PRKN: variants seen among roughly 807,000 people sequenced by gnomAD.
PRKN encodes the protein parkin RBR E3 ubiquitin protein ligase, also known as E3 ubiquitin-protein ligase parkin.
A neutral mutation model predicts 59.5 loss-of-function variants in PRKN; 56 were observed. That is an observed-to-expected ratio of 0.94 (90% CI 0.76 to 1.18). The LOEUF (loss-of-function observed/expected upper bound fraction) is 1.18, where lower values mean the gene tolerates loss of function less well. Ranked by LOEUF, PRKN falls within the 50% of genes most tolerant of loss-of-function variation. The pLI is 0.00. For missense variants in PRKN, 657 were observed against 596.4 expected, an observed-to-expected ratio of 1.10 and a Z score of -1.06; for synonymous variants, 250 against 222.1, an observed-to-expected ratio of 1.13 and a Z score of -1.12.
At chr6:162,354,304 T>A (rs1473397625) in intron 2 of PRKN, among the ~76,000 whole-genome samples, 1 of 152,074 alleles carries the variant, frequency 6.6e-6, no homozygotes, top group Non-Finnish European at 1.5e-5. Context: ...TACTCACAAT[T>A]GCTCATGAGG....
At chr6:162,172,394 G>A (rs1330421946) in intron 4 of PRKN, among the ~76,000 whole-genome samples, 4 of 152,124 alleles carry the variant, frequency 2.6e-5, no homozygotes, top group East Asian at 1.9e-4. Flanking sequence ...CCATTGTTTC[G>A]CATGCACTCT....
rs537116320 is a variant in PRKN at position 161,442,458 on chromosome 6, T to C, written c.1084-55581A>G. ...AATGGCTTTTATTCAGAACCATTAC[T>C]CAGTATGATTTTAAAATCTCGGGCT... On this transcript the variant is annotated intron_variant, in intron 9 of 11. Transcript: ENST00000366898. The surrounding 1 kb of genome is among the most constrained non-coding windows in gnomAD (Gnocchi z 4.6). Among the ~76,000 whole-genome samples, 22 of 152,358 alleles carry C rather than the reference T, an allele frequency of 1.4e-4. No individual in the cohort carries two copies. The highest frequency in any genetic ancestry group is 4.8e-4 in the African/African-American group (20 of 41,592).
chr6:161,691,626 C>A (rs934248826), intron 7 of PRKN, among the ~76,000 whole-genome samples: 1 of 152,138 alleles, frequency 6.6e-6, no homozygotes, highest in African/African-American at 2.4e-5. Flanking sequence ...AGCCTTCTTG[C>A]ACTTAGGAAT....
intron 1 of PRKN, among the ~76,000 whole-genome samples, chr6:162,641,525 C>T (rs551592280): frequency 2.0e-5 from 3 of 152,152 alleles, no homozygotes; most frequent in Admixed American, 2.0e-4. Context: ...CAGGAAACTT[C>T]AGTTCTTTAC....
At chr6:161,420,194 T>C (rs771186247) in intron 9 of PRKN, among the ~76,000 whole-genome samples, 1 of 146,870 alleles carries the variant, frequency 6.8e-6, no homozygotes, top group Non-Finnish European at 1.5e-5. Context: ...GCCGAGATCA[T>C]GCGCCGCTGC....
Position 161,657,237 on chromosome 6 carries a change from G to A in PRKN, c.872-87821C>T, listed in dbSNP as rs1784381365. The stretch of plus-strand genomic sequence containing the variant: ...CCCCCACATCTCAGCTTGTCCCAGT[G>A]ACCTCACGGCTCTGGATCGCCCATG... On this transcript the variant is annotated intron_variant, in intron 7 of 11. Transcript: ENST00000366898. 2.6e-5 allele frequency among the ~76,000 whole-genome samples: 4 copies of A among 152,154 alleles called. No individual in the cohort carries two copies. The South Asian group carries it at 8.3e-4, about 32-fold the overall frequency.
chr6:162,290,023 T>A (rs1781356359), intron 2 of PRKN, among the ~76,000 whole-genome samples: 1 of 152,180 alleles, frequency 6.6e-6, no homozygotes, highest in African/African-American at 2.4e-5. Flanking sequence ...ATAGAGAAAG[T>A]TTCATTTCAG....
At chr6:162,018,604 A>T (rs1582902625) in intron 5 of PRKN, among the ~76,000 whole-genome samples, 1 of 152,306 alleles carries the variant, frequency 6.6e-6, no homozygotes, top group East Asian at 1.9e-4. Flanking sequence ...CAGCAACAGG[A>T]ATGATTTACA....
At chr6:162,323,592 A>T (rs1583379405) in intron 2 of PRKN, among the ~76,000 whole-genome samples, 1 of 152,138 alleles carries the variant, frequency 6.6e-6, no homozygotes, top group East Asian at 1.9e-4. Context: ...ACTAAGAAAA[A>T]GATTTAAACA....
chr6:162,240,096 GCAGGTTTTACGCT>G (rs1217162184), intron 3 of PRKN, among the ~76,000 whole-genome samples: 1 of 152,116 alleles, frequency 6.6e-6, no homozygotes, highest in Non-Finnish European at 1.5e-5. Context: ...ATCCCAACCG[GCAGGTTTTACGCT>G]CAGGTTTGAA....
chr6:161,522,656 C>A (rs1183319234), intron 9 of PRKN, among the ~76,000 whole-genome samples: 1 of 152,230 alleles, frequency 6.6e-6, no homozygotes, highest in Non-Finnish European at 1.5e-5. Flanking sequence ...TGTCTTGAGG[C>A]TAGAGAAAGC....
chr6:162,019,417 G>A (rs1402458709), intron 5 of PRKN, among the ~76,000 whole-genome samples: 2 of 152,102 alleles, frequency 1.3e-5, no homozygotes, highest in African/African-American at 4.8e-5. Context: ...GGCATGCCTC[G>A]GTGCACCCTC....
chr6:162,520,067 T>C (rs1287232650), intron 1 of PRKN, among the ~76,000 whole-genome samples: 6 of 152,082 alleles, frequency 3.9e-5, no homozygotes, highest in South Asian at 2.1e-4. Context: ...CTGGACAACA[T>C]AGTGAGACCC....
At chr6:161,619,761 A>G (rs1197293166) in intron 7 of PRKN, among the ~76,000 whole-genome samples, 1 of 152,160 alleles carries the variant, frequency 6.6e-6, no homozygotes, top group Non-Finnish European at 1.5e-5. Flanking sequence ...CAGTGCGTCT[A>G]TGCTGAATGG....
At chr6:162,653,290 C>G (rs1778513976) in intron 1 of PRKN, among the ~76,000 whole-genome samples, 1 of 150,208 alleles carries the variant, frequency 6.7e-6, no homozygotes, top group Non-Finnish European at 1.5e-5. Flanking sequence ...GACATGAAGA[C>G]TGATTAATTC....
intron 2 of PRKN, among the ~76,000 whole-genome samples, chr6:162,301,783 CGG>C (rs369993772): frequency 2.3e-4 from 5 of 21,802 alleles, no homozygotes; most frequent in East Asian, 2.2e-3. Context: ...TTGGCCGGGG[CGG>C]GGGGGGGGTG....
At chr6:162,414,399 A>G (rs1788503178) in intron 2 of PRKN, among the ~76,000 whole-genome samples, 1 of 151,888 alleles carries the variant, frequency 6.6e-6, no homozygotes, top group Non-Finnish European at 1.5e-5. Context: ...TGTTATGATG[A>G]CCATGAAGAT....
At chr6:162,449,639 C>T (rs1790496085) in intron 1 of PRKN, among the ~76,000 whole-genome samples, 1 of 151,822 alleles carries the variant, frequency 6.6e-6, no homozygotes, top group African/African-American at 2.4e-5. Context: ...TGAGTATATG[C>T]TGTATGATAC....
intron 6 of PRKN, among the ~76,000 whole-genome samples, chr6:161,836,890 T>A (rs1792778634): frequency 6.6e-6 from 1 of 152,156 alleles, no homozygotes; most frequent in Non-Finnish European, 1.5e-5. Flanking sequence ...AGGTCTCAAA[T>A]GAATGCGGGC....
Sources: allele counts gnomAD v4.1 joint callset (sites outside exome capture counted in the v4.1 genomes callset), GRCh38; gene constraint gnomAD v4.1.1; non-coding constraint Gnocchi (gnomAD v3.1); transcripts MANE v1.5; gene names NCBI Gene and HGNC (gene_info 2026-07-23, HGNC 2026-07-21).